STX8: variants seen among roughly 807,000 people sequenced by gnomAD.
STX8 encodes the protein syntaxin 8, also known as syntaxin-8.
Under a neutral mutation model 37.5 loss-of-function variants are expected in STX8, and 23 were observed. That is an observed-to-expected ratio of 0.61 (90% CI 0.44 to 0.87). STX8 has a LOEUF of 0.87. STX8 is among the 40% of genes least tolerant of loss of function. The probability of loss-of-function intolerance (pLI) is 0.00; values close to 1 mark genes in which losing one functional copy is unlikely to be tolerated. For synonymous variants in STX8, 115 were observed against 99.1 expected, an observed-to-expected ratio of 1.16 and a Z score of -0.95; for missense variants, 313 against 284.7, an observed-to-expected ratio of 1.10 and a Z score of -0.71.
At chr17:9,315,056 C>T (rs190481566) in intron 7 of STX8, among the ~76,000 whole-genome samples, 1 of 145,088 alleles carries the variant, frequency 6.9e-6, no homozygotes, top group Admixed American at 7.0e-5. Flanking sequence ...CAGCCGAGAT[C>T]GTGCCACTGC....
intron 3 of STX8, chr17:9,555,029 TC>T (rs2151914728): frequency 6.6e-6 from 1 of 152,066 alleles, no homozygotes; most frequent in Non-Finnish European, 1.5e-5. Flanking sequence ...TAGAAATAGA[TC>T]AATTATTTGA....
chr17:9,337,223 A>G (rs1910166947), intron 7 of STX8, among the ~76,000 whole-genome samples: 1 of 152,216 alleles, frequency 6.6e-6, no homozygotes, highest in South Asian at 2.1e-4. Context: ...TTTTCCCAGA[A>G]TACAAAACAC....
At chr17:9,515,919 A>C (rs62066222) in intron 4 of STX8, among the ~76,000 whole-genome samples, 38,175 of 151,916 alleles carry the variant, frequency 0.25, 5,018 homozygotes, top group South Asian at 0.39. Flanking sequence ...CGTACCTTCG[A>C]AGAAGGGGGA....
chr17:9,408,837 T>G (rs1006256685), intron 6 of STX8, among the ~76,000 whole-genome samples: 1 of 152,044 alleles, frequency 6.6e-6, no homozygotes, highest in African/African-American at 2.4e-5. Flanking sequence ...TCCAGAAAAG[T>G]CTACGTGAGG....
In STX8 at chr17:9,483,004, G is replaced by A. The variant is rs865864149; in HGVS notation, c.541+8825C>T. 3.9e-5 allele frequency among the ~76,000 whole-genome samples: 6 copies of A among 152,184 alleles called. No homozygotes were observed. The South Asian group carries it at 1.2e-3, about 32-fold the overall frequency. ...ACTATAAACATTTCTTAGCAAAAGG[G>A]TGGCTAACCTCAATTCAATGACAAT... is the stretch of plus-strand genomic sequence containing the variant. On this transcript the variant is annotated intron_variant, in intron 6 of 7. Coordinates refer to ENST00000306357, the MANE Select transcript of STX8 (RefSeq NM_004853.3).
intron 7 of STX8, among the ~76,000 whole-genome samples, chr17:9,375,560 T>C (rs191589695): frequency 3.0e-4 from 45 of 152,298 alleles, no homozygotes; most frequent in Admixed American, 2.9e-3. Context: ...TATATAACAT[T>C]GTATGTCTTC....
chr17:9,369,886 CAAAAA>C (rs60178482), intron 7 of STX8, among the ~76,000 whole-genome samples: 2 of 52,152 alleles, frequency 3.8e-5, no homozygotes, highest in African/African-American at 6.4e-5. Context: ...GACCCTGTAC[CAAAAA>C]AAAAAAAAAA....
chr17:9,443,186 A>T (rs1904725620), intron 6 of STX8, among the ~76,000 whole-genome samples: 1 of 152,196 alleles, frequency 6.6e-6, no homozygotes, highest in African/African-American at 2.4e-5. Flanking sequence ...GGGAATGTGG[A>T]GGATCATATA....
chr17:9,395,337 C>T (rs1912362220), intron 6 of STX8, among the ~76,000 whole-genome samples: 1 of 152,144 alleles, frequency 6.6e-6, no homozygotes, highest in Non-Finnish European at 1.5e-5. Flanking sequence ...CGCAGTGGCT[C>T]ATGCCTCTAA....
At chr17:9,574,225 C>T (rs543999463) in intron 1 of STX8, among the ~76,000 whole-genome samples, 23 of 150,330 alleles carry the variant, frequency 1.5e-4, no homozygotes, top group Non-Finnish European at 2.7e-4. Context: ...GAGCCATGAT[C>T]GCGCCATTGC....
intron 2 of STX8, among the ~76,000 whole-genome samples, chr17:9,561,899 T>C (rs1355240719): frequency 6.6e-6 from 1 of 152,086 alleles, no homozygotes; most frequent in African/African-American, 2.4e-5. Flanking sequence ...AATTTGGCTA[T>C]ACTGAAAAAT....
intron 7 of STX8, among the ~76,000 whole-genome samples, chr17:9,331,798 T>G (rs190730555): frequency 2.4e-4 from 36 of 152,294 alleles, no homozygotes; most frequent in Middle Eastern, 3.4e-3. Flanking sequence ...TCTGCCTTTT[T>G]CCTTCTGCAA....
chr17:9,557,912 G>A (rs780151259), intron 2 of STX8, among the ~76,000 whole-genome samples: 1 of 152,176 alleles, frequency 6.6e-6, no homozygotes, highest in Non-Finnish European at 1.5e-5. Context: ...TCATTTGAGA[G>A]CAAAAACCCA....
intron 6 of STX8, among the ~76,000 whole-genome samples, chr17:9,395,140 TAATTA>T (rs1237102891): frequency 2.6e-5 from 4 of 152,124 alleles, no homozygotes; most frequent in Non-Finnish European, 4.4e-5. Flanking sequence ...TGTATTTATT[TAATTA>T]AATATAAATG....
chr17:9,558,133 T>C (rs1907053617), intron 2 of STX8, among the ~76,000 whole-genome samples: 1 of 152,182 alleles, frequency 6.6e-6, no homozygotes, highest in South Asian at 2.1e-4. Context: ...TTTTTGTCCG[T>C]GACTCTAACC....
At chr17:9,441,964 C>T (rs551040390) in intron 6 of STX8, among the ~76,000 whole-genome samples, 8 of 152,238 alleles carry the variant, frequency 5.3e-5, no homozygotes, top group Non-Finnish European at 8.8e-5. Context: ...CCGCGCCTGG[C>T]ACCATGGCTT....
At chr17:9,475,956 G>A (rs1452932714) in intron 6 of STX8, among the ~76,000 whole-genome samples, 5 of 152,162 alleles carry the variant, frequency 3.3e-5, no homozygotes, top group South Asian at 4.1e-4. Flanking sequence ...CAAGGTCGGC[G>A]GATCACGAGG....
intron 7 of STX8, among the ~76,000 whole-genome samples, chr17:9,340,724 C>T (rs965457564): frequency 8.6e-6 from 1 of 116,920 alleles, no homozygotes; most frequent in African/African-American, 3.3e-5. Context: ...ATGGCGTAAT[C>T]TGGGCTGACC....
chr17:9,324,634 A>C (rs1361119001), intron 7 of STX8, among the ~76,000 whole-genome samples: 1 of 151,802 alleles, frequency 6.6e-6, no homozygotes, highest in Admixed American at 6.6e-5. Flanking sequence ...GCGTGGTGGC[A>C]GGCACCTGTA....
Sources: allele counts gnomAD v4.1 joint callset (sites outside exome capture counted in the v4.1 genomes callset), GRCh38; gene constraint gnomAD v4.1.1; transcripts MANE v1.5; gene names NCBI Gene and HGNC (gene_info 2026-07-23, HGNC 2026-07-21).